Variants in GNB5 observed in about 807,000 individuals in gnomAD.
GNB5 encodes the protein guanine nucleotide-binding protein subunit beta-5.
A neutral mutation model predicts 55.3 loss-of-function variants in GNB5; 37 were observed. That is an observed-to-expected ratio of 0.67 (90% CI 0.51 to 0.88). GNB5 has a LOEUF of 0.88. GNB5 is among the 40% of genes least tolerant of loss of function. The probability of loss-of-function intolerance (pLI) is 0.00; values close to 1 mark genes in which losing one functional copy is unlikely to be tolerated. For missense variants in GNB5, 476 were observed against 515.3 expected, an observed-to-expected ratio of 0.92 and a Z score of 0.74; for synonymous variants, 219 against 198.5, an observed-to-expected ratio of 1.10 and a Z score of -0.87.
At chr15:52,124,366 C>T (rs1173640489) in intron 12 of GNB5, 107 bp downstream of exon 12, 10 of 874,262 alleles carry the variant, frequency 1.1e-5, no homozygotes, top group Non-Finnish European at 1.8e-5. Flanking sequence ...GCGAGGCTGA[C>T]CAGGCCCACC....
intron 4 of GNB5, among the ~76,000 whole-genome samples, chr15:52,151,666 A>G (rs2034099397): frequency 6.6e-6 from 1 of 152,194 alleles, no homozygotes. Context: ...CCCTCCCAAC[A>G]GCAGTATGTG....
At chr15:52,139,908 G>A (rs541743792) in intron 7 of GNB5, 6 of 1,286,660 alleles carry the variant, frequency 4.7e-6, no homozygotes, top group Admixed American at 4.6e-5. Flanking sequence ...CCTGATGGTC[G>A]TGGTAGCCCC....
intron 4 of GNB5, among the ~76,000 whole-genome samples, chr15:52,152,338 G>GA (rs1031815744): frequency 1.2e-4 from 18 of 147,966 alleles, no homozygotes; most frequent in African/African-American, 3.0e-4. Context: ...TTTTTTTGGA[G>GA]AAAAAAAAAC....
At position 52,184,787 on chromosome 15, in the gene GNB5, T is replaced by A. The variant is rs553116842; in HGVS notation, c.-18-93A>T. ...TTCTTGCTTGTACCGTGGTAGCTAT[T>A]CAGACGTCTACATGTGGGATAGAGT... On this transcript the variant is annotated intron_variant, in intron 1 of 12. Transcript: ENST00000261837. 10 of 989,308 alleles carry A rather than the reference T, an allele frequency of 1.0e-5. No homozygotes were observed. The African/African-American group carries it at 1.1e-4, about 11-fold the overall frequency. 61.3% of individuals were successfully genotyped at this position (989,308 alleles called of 1,614,324 possible). A position where few individuals can be genotyped will look rare whatever the true frequency, so the allele number is the denominator to read the frequency against.
intron 1 of GNB5, among the ~76,000 whole-genome samples, chr15:52,189,977 T>C (rs1423596081): frequency 6.6e-6 from 1 of 152,120 alleles, no homozygotes; most frequent in Admixed American, 6.6e-5. Context: ...GGATTTCTTT[T>C]TCGGGGTGAT....
chr15:52,160,701 TC>T lies in GNB5; in HGVS notation c.239-6626del, dbSNP rs551264123. Among the ~76,000 whole-genome samples, 14 of 152,312 alleles carry T rather than the reference TC, an allele frequency of 9.2e-5. No homozygotes were observed. The East Asian group carries it at 2.5e-3, about 27-fold the overall frequency. ...TGGTGTGTACCCTTCCAGCCTTTCC[TC>T]CACATATGTGCACACACATATATAT... On this transcript the variant is annotated intron_variant, in intron 3 of 12. Coordinates refer to ENST00000261837, the MANE Select transcript of GNB5 (RefSeq NM_016194.4).
At chr15:52,174,861 C>T (rs1280612558) in intron 3 of GNB5, among the ~76,000 whole-genome samples, 1 of 152,030 alleles carries the variant, frequency 6.6e-6, no homozygotes. Flanking sequence ...GCGGGTGGAT[C>T]ACCTAAAGTC....
intron 1 of GNB5, among the ~76,000 whole-genome samples, chr15:52,185,704 G>A (rs1346093070): frequency 6.6e-6 from 1 of 151,670 alleles, no homozygotes; most frequent in Non-Finnish European, 1.5e-5. Flanking sequence ...TCATGAAAAT[G>A]AGACAGCAAT....
chr15:52,186,870 C>T (rs1030506612), intron 1 of GNB5, among the ~76,000 whole-genome samples: 1 of 152,106 alleles, frequency 6.6e-6, no homozygotes, highest in Admixed American at 6.5e-5. Flanking sequence ...GCAGTCAGCA[C>T]AGTTCGAGAC....
intron 2 of GNB5, among the ~76,000 whole-genome samples, chr15:52,182,705 G>T (rs2034789481): frequency 1.3e-5 from 2 of 152,176 alleles, no homozygotes; most frequent in Non-Finnish European, 2.9e-5. Context: ...TGGATGAAAG[G>T]CCAGCTGTCA....
chr15:52,135,835 TC>T, intron 7 of GNB5, 79 bp from the exon 8 acceptor site: 2 of 1,341,970 alleles, frequency 1.5e-6, no homozygotes, highest in Admixed American at 1.9e-5. Context: ...GGCTTAACGT[TC>T]CGCAGGGAAA....
intron 9 of GNB5, among the ~76,000 whole-genome samples, chr15:52,130,260 C>T (rs1337959553): frequency 6.6e-6 from 1 of 152,156 alleles, no homozygotes; most frequent in Non-Finnish European, 1.5e-5. Context: ...CAAGGGCATG[C>T]TAAGAGAATA....
chr15:52,154,308 C>T (rs1203377721), intron 3 of GNB5, among the ~76,000 whole-genome samples: 1 of 152,114 alleles, frequency 6.6e-6, no homozygotes, highest in East Asian at 1.9e-4. Flanking sequence ...TGTTTAAGAC[C>T]CTACATTTTT....
chr15:52,124,594 C>A lies in GNB5; in HGVS notation c.1055G>T (p.Trp352Leu). Reference sequence around the variant, plus strand: ...GACCCGGGACCCTTTGAGAACATCCCAGACGTTGATAGTGTAATCATTGTA... The same window carrying A: ...GACCCGGGACCCTTTGAGAACATCCAAGACGTTGATAGTGTAATCATTGTA... ...AGYNDYTINV[W>L]DVLKGSRVSI... Residue 352 changes from tryptophan to leucine, a missense_variant, in exon 12 of 13, where the codon TGG (tryptophan) becomes TTG (leucine). Coordinates refer to ENST00000261837, the MANE Select transcript of GNB5 (RefSeq NM_016194.4). 6.2e-7 allele frequency: 1 copy of A among 1,614,076 alleles called. No homozygotes were observed. Among genetic ancestry groups the A allele is most frequent in the African/African-American group, 1.3e-5 (1 of 75,056 alleles).
intron 3 of GNB5, among the ~76,000 whole-genome samples, chr15:52,163,047 G>A (rs1021661363): frequency 1.3e-5 from 2 of 152,178 alleles, no homozygotes; most frequent in African/African-American, 2.4e-5. Context: ...GAAAAGCAGG[G>A]TGGGGAGATG....
At chr15:52,171,621 G>A (rs575520779) in intron 3 of GNB5, among the ~76,000 whole-genome samples, 3 of 152,344 alleles carry the variant, frequency 2.0e-5, no homozygotes, top group South Asian at 2.1e-4. Context: ...AAACAGCAGG[G>A]AAGAGGATGA....
intron 4 of GNB5, 137 bp downstream of exon 4, chr15:52,153,795 GAGTTCTTT>G: frequency 1.6e-6 from 1 of 641,484 alleles, no homozygotes; most frequent in African/African-American, 1.8e-5. Flanking sequence ...ATATGTAAGA[GAGTTCTTT>G]ATGCTAAATC....
intron 7 of GNB5, chr15:52,137,075 A>G (rs2033742790): frequency 1.9e-6 from 1 of 514,712 alleles, no homozygotes; most frequent in African/African-American, 2.0e-5. Flanking sequence ...CCACCTTAAA[A>G]TCACCAAGCC....
intron 6 of GNB5, among the ~76,000 whole-genome samples, chr15:52,146,540 A>G (rs749257551): frequency 1.3e-5 from 2 of 151,918 alleles, no homozygotes; most frequent in Admixed American, 6.6e-5. Flanking sequence ...TTGGATGGGT[A>G]TGTTGGTTCC....
Sources: allele counts gnomAD v4.1 joint callset (sites outside exome capture counted in the v4.1 genomes callset), GRCh38; gene constraint gnomAD v4.1.1; transcripts MANE v1.5; gene names NCBI Gene and HGNC (gene_info 2026-07-23, HGNC 2026-07-21).